Variants in CAV2 observed in about 807,000 individuals in gnomAD.
The protein encoded by CAV2 is caveolin 2.
CAV2 carries 7 observed loss-of-function variants against 15.5 expected under a neutral mutation model. The observed-to-expected ratio is 0.45, with a 90% CI of 0.26 to 0.85. The LOEUF (loss-of-function observed/expected upper bound fraction) is 0.85, where lower values mean the gene tolerates loss of function less well. CAV2 is among the 40% of genes least tolerant of loss of function. The pLI is 0.18. For synonymous variants in CAV2, 76 were observed against 83.1 expected (o/e 0.91, Z 0.46); for missense variants, 229 against 208.8 (o/e 1.10, Z -0.60).
intron 1 of CAV2, 90 bp downstream of exon 1, chr7:116,500,021 C>A: frequency 6.5e-7 from 1 of 1,526,736 alleles, no homozygotes. Context: ...CCCACCATTG[C>A]TACCGGGTCG....
In CAV2 at chr7:116,500,444, T is replaced by C. The variant is rs1231026245; in HGVS notation, c.335T>C (p.Ile112Thr). Residue 112 changes from isoleucine to threonine, a missense_variant, in exon 2 of 3, where the codon ATC becomes ACC. Coordinates refer to ENST00000222693, the MANE Select transcript of CAV2 (RefSeq NM_001233.5). ...TTTGCCACCCTCAGCTGTCTGCACA[T>C]CTGGTGAGACGGGGCACACCGGGTG... The part of the protein sequence containing the change: ...ILFATLSCLH[I>T]WILMPFVKTC... The C allele has an allele frequency of 2.5e-6, 4 of 1,611,488 alleles. No homozygotes were observed. Among genetic ancestry groups the C allele is most frequent in the African/African-American group, 1.3e-5 (1 of 74,842 alleles).
intron 2 of CAV2, among the ~76,000 whole-genome samples, chr7:116,505,615 A>G (rs1793214792): frequency 6.6e-6 from 1 of 152,134 alleles, no homozygotes; most frequent in Non-Finnish European, 1.5e-5. Flanking sequence ...AGCAAGAGAG[A>G]GAATGTGGAG....
chr7:116,502,630 G>T (rs1793130046), intron 2 of CAV2, among the ~76,000 whole-genome samples: 1 of 152,074 alleles, frequency 6.6e-6, no homozygotes, highest in African/African-American at 2.4e-5. Flanking sequence ...TAAAGCAGGG[G>T]CTTGTGTATT....
At chr7:116,500,516 A>G (rs1178743193) in intron 2 of CAV2, 69 bp downstream of exon 2, 5 of 1,457,854 alleles carry the variant, frequency 3.4e-6, no homozygotes, top group Non-Finnish European at 3.8e-6. Context: ...CCTGCCCCCT[A>G]CTCTCCTCTT....
Position 116,500,466 on chromosome 7 carries a change from G to C in CAV2, c.338+19G>C. On this transcript the variant is annotated intron_variant, in intron 2 of 2. Transcript: ENST00000222693. Reference sequence around the variant, plus strand: ...ACATCTGGTGAGACGGGGCACACCGGGTGGACCGGCTTTCTGAAACATGGG... The same window carrying C: ...ACATCTGGTGAGACGGGGCACACCGCGTGGACCGGCTTTCTGAAACATGGG... 6.2e-7 allele frequency: 1 copy of C among 1,605,696 alleles called. No homozygotes were observed. Among genetic ancestry groups the C allele is most frequent in the East Asian group, 2.2e-5 (1 of 44,778 alleles).
At chr7:116,502,532 T>A (rs1312163421) in intron 2 of CAV2, among the ~76,000 whole-genome samples, 1 of 152,232 alleles carries the variant, frequency 6.6e-6, no homozygotes, top group East Asian at 1.9e-4. Context: ...CATGACATGA[T>A]AAGACCAGAT....
At position 116,506,156 on chromosome 7, in the gene CAV2, G is replaced by C. The variant is rs761670909; in HGVS notation, c.*35G>C. 2 of 1,606,164 alleles carry C rather than the reference G, an allele frequency of 1.2e-6. No individual in the cohort carries two copies. Among genetic ancestry groups the C allele is most frequent in the Middle Eastern group, 1.7e-4 (1 of 6,038 alleles). On this transcript the variant is annotated 3_prime_UTR_variant, in exon 3 of 3. Transcript: ENST00000222693. ...CCCCAGGTCTGGAGATTGGGATACTGTAATACTTCTTTGTTATTATAACAT... is the reference window on the plus strand; with the variant it reads ...CCCCAGGTCTGGAGATTGGGATACTCTAATACTTCTTTGTTATTATAACAT...
chr7:116,500,935 G>A (rs1727692435), intron 2 of CAV2: 1 of 154,256 alleles, frequency 6.5e-6, no homozygotes, highest in South Asian at 2.0e-4. Context: ...AGTGTGGAGG[G>A]GCTGCTTCAA....
intron 2 of CAV2, among the ~76,000 whole-genome samples, chr7:116,503,942 GGAGGAAGACAGA>G (rs1449267545): frequency 7.5e-5 from 9 of 120,338 alleles, no homozygotes; most frequent in African/African-American, 1.9e-4. Context: ...AGGGAGGGAG[GGAGGAAGACAGA>G]AAGAAAAAGA....
rs1793295565 is a variant in CAV2, at chr7:116,508,456, A to G, written c.*2335A>G. Reference sequence around the variant, plus strand: ...CAAGTAAATCCAGGCTTTATGTACAAACATGTTGTTTGTTTTATTTGGGGC... The same window carrying G: ...CAAGTAAATCCAGGCTTTATGTACAGACATGTTGTTTGTTTTATTTGGGGC... On this transcript the variant is annotated 3_prime_UTR_variant, in exon 3 of 3. Coordinates refer to ENST00000222693, the MANE Select transcript of CAV2 (RefSeq NM_001233.5). 1 of 152,174 alleles carries G rather than the reference A, an allele frequency of 6.6e-6. No individual in the cohort carries two copies. The highest frequency in any genetic ancestry group is 2.1e-4 in the South Asian group (1 of 4,826). 9.4% of individuals were successfully genotyped at this position (152,174 alleles called of 1,614,324 possible).
At chr7:116,505,731 G>T (rs759624098) in intron 2 of CAV2, among the ~76,000 whole-genome samples, 2 of 152,122 alleles carry the variant, frequency 1.3e-5, no homozygotes, top group Non-Finnish European at 2.9e-5. Context: ...GGATCTACCC[G>T]CTGTGATCCA....
chr7:116,500,529 C>T, intron 2 of CAV2, 82 bp downstream of exon 2: 1 of 1,374,684 alleles, frequency 7.3e-7, no homozygotes, highest in Non-Finnish European at 1.0e-6. Flanking sequence ...CTCCTCTTAT[C>T]CCAGGCCGGC....
intron 2 of CAV2, chr7:116,500,864 C>G (rs1469931658): frequency 6.0e-6 from 1 of 166,004 alleles, no homozygotes; most frequent in South Asian, 1.7e-4. Flanking sequence ...CAAAAGTGAT[C>G]TCTGAGCAGA....
chr7:116,503,953 G>A (rs1303163881), intron 2 of CAV2, among the ~76,000 whole-genome samples: 2 of 113,320 alleles, frequency 1.8e-5, no homozygotes, highest in African/African-American at 6.8e-5. Flanking sequence ...GAGGAAGACA[G>A]AAAGAAAAAG....
chr7:116,499,900 G>A lies in CAV2; in HGVS notation c.119G>A (p.Arg40Gln), dbSNP rs138179024. 5.0e-6 allele frequency: 8 copies of A among 1,611,802 alleles called. No individual in the cohort carries two copies. Among genetic ancestry groups the A allele is most frequent in the South Asian group, 4.4e-5 (4 of 91,014 alleles). ...PEKFADSDQD[R>Q]DPHRLNSHLK... is the part of the protein sequence containing the mutation. ...AAGTTCGCGGACTCGGACCAGGACC[G>A]GGATCCCCACCGGCTCAACTCGCAT... is the stretch of plus-strand genomic sequence containing the variant. Residue 40 changes from arginine (R) to glutamine (Q), a missense_variant, in exon 1 of 3, where the codon CGG (arginine) becomes CAG (glutamine). Arg to Gln is a conservative substitution (Grantham distance 43). Coordinates refer to ENST00000222693, the MANE Select transcript of CAV2 (RefSeq NM_001233.5).
intron 2 of CAV2, among the ~76,000 whole-genome samples, chr7:116,502,464 T>G (rs1793126731): frequency 7.1e-6 from 1 of 140,236 alleles, no homozygotes; most frequent in Non-Finnish European, 1.6e-5. Flanking sequence ...CAAACAAGAA[T>G]GCTTAAAAGT....
At chr7:116,505,875 TA>T in intron 2 of CAV2, 95 bp from the exon 3 acceptor site, 1 of 734,328 alleles carries the variant, frequency 1.4e-6, no homozygotes, top group Non-Finnish European at 2.2e-6. Flanking sequence ...CAAATTTAAG[TA>T]AATGGGTCAG....
chr7:116,505,437 A>G (rs969909509), intron 2 of CAV2, among the ~76,000 whole-genome samples: 6 of 152,204 alleles, frequency 3.9e-5, no homozygotes, highest in Non-Finnish European at 8.8e-5. Context: ...ATGAAGGAAT[A>G]CCTGAGACTA....
chr7:116,502,461 G>C (rs1793126642), intron 2 of CAV2, among the ~76,000 whole-genome samples: 1 of 144,352 alleles, frequency 6.9e-6, no homozygotes, highest in Non-Finnish European at 1.5e-5. Context: ...TTTCAAACAA[G>C]AATGCTTAAA....
Sources: allele counts gnomAD v4.1 joint callset (sites outside exome capture counted in the v4.1 genomes callset), GRCh38; gene constraint gnomAD v4.1.1; transcripts MANE v1.5; gene names NCBI Gene and HGNC (gene_info 2026-07-23, HGNC 2026-07-21).